Variants in TPTE observed in about 807,000 individuals in gnomAD.
The protein encoded by TPTE is transmembrane phosphatase with tensin homology, also known as putative tyrosine-protein phosphatase TPTE.
A neutral mutation model predicts 84.1 loss-of-function variants in TPTE; 59 were observed. The observed-to-expected ratio is 0.70, with a 90% confidence interval of 0.57 to 0.87. The LOEUF is 0.87. Ranked by LOEUF, TPTE falls within the 40% of genes least tolerant of loss-of-function variation. The probability of loss-of-function intolerance (pLI) is 0.00; values close to 1 mark genes in which losing one functional copy is unlikely to be tolerated. For missense variants in TPTE, 382 were observed against 659.6 expected, an observed-to-expected ratio of 0.58 and a Z score of 4.61; for synonymous variants, 130 against 223.5, an observed-to-expected ratio of 0.58 and a Z score of 3.73.
chr21:10,555,015 A>G (rs1600893548), intron 8 of TPTE, among the ~76,000 whole-genome samples: 1 of 152,310 alleles, frequency 6.6e-6, no homozygotes, highest in East Asian at 1.9e-4. Flanking sequence ...AAATGTGTCC[A>G]GTGGGAGAGA....
intron 17 of TPTE, among the ~76,000 whole-genome samples, chr21:10,589,770 G>A (rs1325642223): frequency 5.2e-5 from 8 of 152,420 alleles, no homozygotes; most frequent in Non-Finnish European, 1.2e-4. Flanking sequence ...CTGTCCTGAG[G>A]GCTGCTTGCC....
chr21:10,544,917 T>TA (rs2074436937), intron 7 of TPTE, among the ~76,000 whole-genome samples: 1 of 152,306 alleles, frequency 6.6e-6, no homozygotes, highest in African/African-American at 2.4e-5. Context: ...ATTCATTAAG[T>TA]TTTTTTCACA....
At chr21:10,538,485 G>C (rs1422457615) in intron 3 of TPTE, among the ~76,000 whole-genome samples, 196 bp from the exon 4 acceptor site, 1 of 152,306 alleles carries the variant, frequency 6.6e-6, no homozygotes, top group Non-Finnish European at 1.5e-5. Context: ...ATTTTCCCCA[G>C]CCTAAGATGT....
At position 10,537,125 on chromosome 21, in the gene TPTE, A is replaced by G. The variant is rs1451539300; in HGVS notation, c.-43-1556A>G. On this transcript the variant is annotated intron_variant, in intron 3 of 23. Transcript: ENST00000618007. ...TCATGAAGGGATTTTAGTGTCAGGA[A>G]ATGAGATGGGGTCAAGGGGATTTGT... is the stretch of plus-strand genomic sequence containing the variant. 2.6e-5 allele frequency among the ~76,000 whole-genome samples: 4 copies of G among 152,308 alleles called. No individual in the cohort carries two copies. The East Asian group carries it at 5.8e-4, about 22-fold the overall frequency.
intron 9 of TPTE, among the ~76,000 whole-genome samples, chr21:10,560,653 G>A (rs1465427017): frequency 4.9e-4 from 75 of 152,394 alleles, no homozygotes; most frequent in African/African-American, 1.8e-3. Flanking sequence ...CCAGATTAAT[G>A]AGGGTTTATT....
intron 22 of TPTE, among the ~76,000 whole-genome samples, 167 bp from the exon 23 acceptor site, chr21:10,603,392 GCCT>G (rs1978828935): frequency 6.6e-6 from 1 of 152,306 alleles, no homozygotes; most frequent in South Asian, 2.1e-4. Context: ...TTTTCTTAAA[GCCT>G]CCTCCTTTGT....
intron 17 of TPTE, among the ~76,000 whole-genome samples, chr21:10,586,780 C>T (rs1244473229): frequency 2.0e-5 from 3 of 152,298 alleles, no homozygotes; most frequent in African/African-American, 2.4e-5. Flanking sequence ...AGAAATCTTC[C>T]TAAAATCTCT....
intron 10 of TPTE, among the ~76,000 whole-genome samples, chr21:10,566,190 A>G (rs1198599985): frequency 2.0e-5 from 3 of 152,306 alleles, no homozygotes; most frequent in African/African-American, 4.8e-5. Flanking sequence ...AATCTTTTAA[A>G]TGATAAGATT....
At chr21:10,526,958 A>AAG (rs1906537872) in intron 2 of TPTE, among the ~76,000 whole-genome samples, 1 of 152,304 alleles carries the variant, frequency 6.6e-6, no homozygotes, top group Admixed American at 6.5e-5. Context: ...AATCCAGACA[A>AAG]AGAGAAAACA....
intron 2 of TPTE, among the ~76,000 whole-genome samples, chr21:10,525,258 T>C (rs1305753632): frequency 2.6e-5 from 4 of 152,312 alleles, no homozygotes; most frequent in Admixed American, 6.5e-5. Flanking sequence ...ATATGACATT[T>C]TAAGATCTGT....
chr21:10,529,655 A>C (rs557079957), intron 3 of TPTE, among the ~76,000 whole-genome samples: 1 of 152,430 alleles, frequency 6.6e-6, no homozygotes, highest in African/African-American at 2.4e-5. Flanking sequence ...AGATTAAGTA[A>C]CTCCTCTATT....
At chr21:10,556,883 G>A (rs1160559337) in intron 8 of TPTE, among the ~76,000 whole-genome samples, 1 of 152,296 alleles carries the variant, frequency 6.6e-6, no homozygotes, top group African/African-American at 2.4e-5. Flanking sequence ...ACTTTTTGAT[G>A]GGGTTGTTTG....
At chr21:10,544,939 T>G (rs1285104394) in intron 7 of TPTE, among the ~76,000 whole-genome samples, 5 of 152,310 alleles carry the variant, frequency 3.3e-5, no homozygotes, top group Admixed American at 1.3e-4. Context: ...GCCGAAAAAT[T>G]TCATTACAAA....
At chr21:10,551,669 G>A (rs2074577795) in intron 7 of TPTE, among the ~76,000 whole-genome samples, 3 of 152,258 alleles carry the variant, frequency 2.0e-5, no homozygotes, top group African/African-American at 7.2e-5. Flanking sequence ...CCATTAGCTA[G>A]ACTAATTAAG....
chr21:10,524,169 A>G (rs1463189793), intron 1 of TPTE, among the ~76,000 whole-genome samples: 1 of 152,310 alleles, frequency 6.6e-6, no homozygotes, highest in Non-Finnish European at 1.5e-5. Context: ...GAGGTCTCTG[A>G]GCAAGGGAGT....
intron 8 of TPTE, 100 bp from the exon 9 acceptor site, chr21:10,559,394 T>C: frequency 6.6e-7 from 1 of 1,526,602 alleles, no homozygotes; most frequent in Non-Finnish European, 8.8e-7. Flanking sequence ...TGAATAATTT[T>C]CTTTTGAAAT....
intron 10 of TPTE, among the ~76,000 whole-genome samples, chr21:10,561,885 A>G (rs1473363503): frequency 6.6e-6 from 1 of 152,308 alleles, no homozygotes; most frequent in Non-Finnish European, 1.5e-5. Flanking sequence ...GGCCTTCAGT[A>G]AACTCCTGCA....
At chr21:10,599,663 C>G (rs1479643114) in intron 21 of TPTE, among the ~76,000 whole-genome samples, 1 of 152,428 alleles carries the variant, frequency 6.6e-6, no homozygotes, top group East Asian at 1.9e-4. Context: ...ACTCTTATTT[C>G]CTTGGCTCTT....
At chr21:10,521,931 G>GCCCCC (rs2073984788) in intron 1 of TPTE, among the ~76,000 whole-genome samples, 1 of 107,678 alleles carries the variant, frequency 9.3e-6, no homozygotes, top group African/African-American at 2.9e-5. Context: ...CGCCCTCCCC[G>GCCCCC]TCCCCTCCTC....
Sources: gnomAD v4.1 joint callset for allele counts (sites outside exome capture counted in the v4.1 genomes callset) on GRCh38, gnomAD v4.1.1 for gene constraint, MANE v1.5 for transcripts, NCBI Gene and HGNC (gene_info 2026-07-23, HGNC 2026-07-21) for gene names.